HERC4: variants seen among roughly 807,000 people sequenced by gnomAD.
HERC4 encodes the protein HECT and RLD domain containing E3 ubiquitin protein ligase 4.
In HERC4, 28 loss-of-function variants were observed where a neutral mutation model predicts 124.3. The observed-to-expected ratio is 0.23, with a 90% CI of 0.17 to 0.31. HERC4 has a LOEUF of 0.31. Ranked by LOEUF, HERC4 falls within the 10% of genes least tolerant of loss-of-function variation. HERC4 has a pLI of 1.00. For missense variants in HERC4, 713 were observed against 1,229.3 expected, an observed-to-expected ratio of 0.58 and a Z score of 6.28; for synonymous variants, 407 against 421.5, an observed-to-expected ratio of 0.97 and a Z score of 0.42.
At chr10:67,974,350 A>T (rs190109176) in intron 15 of HERC4, among the ~76,000 whole-genome samples, 5 of 152,328 alleles carry the variant, frequency 3.3e-5, no homozygotes, top group African/African-American at 9.6e-5. Flanking sequence ...AAACCACCAA[A>T]GAAACAAATA....
chr10:68,019,875 G>A (rs2038504526), intron 8 of HERC4, among the ~76,000 whole-genome samples: 2 of 152,194 alleles, frequency 1.3e-5, no homozygotes, highest in Admixed American at 6.5e-5. Flanking sequence ...GGTGCAGAAA[G>A]GCAGGCAATC....
At chr10:67,963,831 T>C (rs2034681776) in intron 16 of HERC4, among the ~76,000 whole-genome samples, 1 of 152,190 alleles carries the variant, frequency 6.6e-6, no homozygotes, top group Non-Finnish European at 1.5e-5. Flanking sequence ...ATCTCTTTTA[T>C]ACTGCAATAT....
Position 67,956,893 on chromosome 10 carries a change from T to C in HERC4, c.2010A>G (p.Ala670=). The C allele has an allele frequency of 1.3e-6, 2 of 1,578,492 alleles. No individual in the cohort carries two copies. The highest frequency in any genetic ancestry group is 1.7e-6 in the Non-Finnish European group (2 of 1,164,024). The change falls in exon 17 of 25, where the codon GCA becomes GCG. Residue 670 remains alanine, a synonymous_variant. Coordinates refer to ENST00000373700, the MANE Select transcript of HERC4 (RefSeq NM_015601.4). The part of the protein sequence containing the change: ...QAKTTLLQTD[A]VLQMQMAIDQ... Reference sequence around the variant, plus strand: ...AATATTTTACCTGCATCTGTAAGACTGCATCGGTCTGTAACAGAGTAGTTT... The same window carrying C: ...AATATTTTACCTGCATCTGTAAGACCGCATCGGTCTGTAACAGAGTAGTTT...
At chr10:67,969,630 T>C (rs536770090) in intron 15 of HERC4, among the ~76,000 whole-genome samples, 1 of 152,124 alleles carries the variant, frequency 6.6e-6, no homozygotes, top group Non-Finnish European at 1.5e-5. Context: ...CGCAAACCCA[T>C]GTCTTGTTGC....
rs542125082 is a variant in HERC4, at chr10:68,054,841, GAA to G, written c.227-10280_227-10279del. ...TCAAGGCATAAACTTCCCTATTACT[GAA>G]AAATAACAGTGAAATTATTGTTTAA... On this transcript the variant is annotated intron_variant, in intron 3 of 24. Coordinates refer to ENST00000373700, the MANE Select transcript of HERC4 (RefSeq NM_015601.4). Among the ~76,000 whole-genome samples, 502 of 152,140 alleles carry G rather than the reference GAA, an allele frequency of 3.3e-3. 3 individuals carry two copies. Among genetic ancestry groups the G allele is most frequent in the African/African-American group, 0.012 (484 of 41,538 alleles).
intron 4 of HERC4, among the ~76,000 whole-genome samples, chr10:68,042,345 C>A (rs565485463): frequency 6.8e-4 from 104 of 152,278 alleles, no homozygotes; most frequent in African/African-American, 2.4e-3. Context: ...AAACACTAGG[C>A]AGGACACAGT....
chr10:67,942,060 T>G (rs1306318541), intron 19 of HERC4, among the ~76,000 whole-genome samples: 1 of 152,190 alleles, frequency 6.6e-6, no homozygotes, highest in Non-Finnish European at 1.5e-5. Flanking sequence ...TGAAACATAC[T>G]TACACTACTG....
chr10:68,042,872 C>T (rs1055800229), intron 4 of HERC4, among the ~76,000 whole-genome samples: 5 of 152,012 alleles, frequency 3.3e-5, no homozygotes, highest in African/African-American at 4.8e-5. Flanking sequence ...ACTATGTATA[C>T]GTTACAACAA....
At chr10:68,026,180 C>T (rs2038888341) in intron 7 of HERC4, among the ~76,000 whole-genome samples, 1 of 152,316 alleles carries the variant, frequency 6.6e-6, no homozygotes, top group South Asian at 2.1e-4. Flanking sequence ...ACTGCAGCCT[C>T]AACCTCGTGG....
At chr10:68,056,264 T>C (rs2040544278) in intron 3 of HERC4, among the ~76,000 whole-genome samples, 2 of 152,216 alleles carry the variant, frequency 1.3e-5, no homozygotes, top group Admixed American at 1.3e-4. Flanking sequence ...CGCTCTAATG[T>C]AGCTGATGGT....
chr10:67,954,632 T>C lies in HERC4; in HGVS notation c.2300A>G (p.Tyr767Cys). The change falls in exon 19 of 25, where the codon TAT becomes TGT. Residue 767 changes from tyrosine to cysteine, a missense_variant. Physicochemically the swap from Tyr to Cys is radical, Grantham distance 194. Transcript: ENST00000373700. ...LLDPKYGMFR[Y>C]YEDSRLIWFS... ...CCAAATGAGCCTGGAATCTTCATAA[T>C]ACCTAAACATGCCGTATTTAGGATC... is the stretch of plus-strand genomic sequence containing the variant. 1 of 1,613,460 alleles carries C rather than the reference T, an allele frequency of 6.2e-7. No individual in the cohort carries two copies. The highest frequency in any genetic ancestry group is 8.5e-7 in the Non-Finnish European group (1 of 1,179,624).
At position 68,020,595 on chromosome 10, in the gene HERC4, C is replaced by G. The variant is rs182767921; in HGVS notation, c.908+4951G>C. On this transcript the variant is annotated intron_variant, in intron 8 of 24. Coordinates refer to ENST00000373700, the MANE Select transcript of HERC4 (RefSeq NM_015601.4). ...CCCCGGCTAAAAAAACGGTGAAACC[C>G]CGTCTCTACTAAAAATACAAAAAAT... is the stretch of plus-strand genomic sequence containing the variant. Among the ~76,000 whole-genome samples, 693 of 151,860 alleles carry G rather than the reference C, an allele frequency of 4.6e-3. 4 individuals carry two copies. Among genetic ancestry groups the G allele is most frequent in the Non-Finnish European group, 6.7e-3 (457 of 67,952 alleles).
At chr10:68,015,452 G>T (rs190726427) in intron 8 of HERC4, among the ~76,000 whole-genome samples, 4 of 151,826 alleles carry the variant, frequency 2.6e-5, no homozygotes, top group Non-Finnish European at 4.4e-5. Context: ...AGCGACATAA[G>T]CTAACTAATA....
At chr10:68,053,019 C>T (rs2040391392) in intron 3 of HERC4, among the ~76,000 whole-genome samples, 1 of 152,176 alleles carries the variant, frequency 6.6e-6, no homozygotes, top group Non-Finnish European at 1.5e-5. Flanking sequence ...TAGTTTATTT[C>T]ACTACTGCAT....
chr10:68,010,942 C>G (rs2037914949), intron 9 of HERC4: 3 of 1,105,626 alleles, frequency 2.7e-6, no homozygotes, highest in Non-Finnish European at 4.0e-6. Context: ...GGCTTTAGTT[C>G]TAGTTCTCTT....
chr10:67,973,769 A>C (rs1049256345), intron 15 of HERC4, among the ~76,000 whole-genome samples: 2 of 152,194 alleles, frequency 1.3e-5, no homozygotes, highest in African/African-American at 4.8e-5. Flanking sequence ...ATTACTGTAC[A>C]TAGGTTGGGC....
Position 67,992,697 on chromosome 10 carries a change from T to C in HERC4, c.1070-15A>G, listed in dbSNP as rs569213586. ...TTCTTCAGAATCTGTAATAAAAATG[T>C]AAAAAATTAAAAGCCAAGATTTACA... On this transcript the variant is annotated splice_polypyrimidine_tract_variant and intron_variant, in intron 9 of 24. Transcript: ENST00000373700. 33 of 1,292,638 alleles carry C rather than the reference T, an allele frequency of 2.6e-5. No individual in the cohort carries two copies. Among genetic ancestry groups the C allele is most frequent in the Admixed American group, 1.1e-4 (5 of 45,150 alleles). The allele number at this position is 1,292,638 out of a possible 1,614,324, so 80.1% of individuals were successfully genotyped here.
chr10:67,938,180 C>G (rs543856636), intron 21 of HERC4, among the ~76,000 whole-genome samples: 2 of 151,464 alleles, frequency 1.3e-5, no homozygotes, highest in African/African-American at 4.8e-5. Flanking sequence ...CTGTGGCTCA[C>G]GCCTGTAATC....
intron 8 of HERC4, among the ~76,000 whole-genome samples, chr10:68,014,389 C>T (rs542044875): frequency 1.3e-5 from 2 of 152,110 alleles, no homozygotes; most frequent in East Asian, 1.9e-4. Flanking sequence ...ACAGGCTGCA[C>T]GAGCATGGTC....
Sources: allele counts gnomAD v4.1 joint callset (sites outside exome capture counted in the v4.1 genomes callset), GRCh38; gene constraint gnomAD v4.1.1; transcripts MANE v1.5; gene names NCBI Gene and HGNC (gene_info 2026-07-23, HGNC 2026-07-21).